Variants in ZNF519 observed in about 807,000 individuals in gnomAD.
ZNF519 encodes zinc finger protein 519.
In ZNF519, 7 loss-of-function variants were observed where a neutral mutation model predicts 7.4. The observed-to-expected ratio is 0.94, with a 90% confidence interval of 0.54 to 1.77. The LOEUF (loss-of-function observed/expected upper bound fraction) is 1.77, where lower values mean the gene tolerates loss of function less well. Among genes scored for constraint, ZNF519 ranks in the 40% most tolerant of loss-of-function variants. ZNF519 has a pLI of 0.00. For synonymous variants in ZNF519, 179 were observed against 203.3 expected (o/e 0.88, Z 1.02); for missense variants, 586 against 623.1 (o/e 0.94, Z 0.63).
chr18:14,128,310 A>AAACAAAC (rs569951991), intron 1 of ZNF519, among the ~76,000 whole-genome samples: 1 of 151,768 alleles, frequency 6.6e-6, no homozygotes, highest in African/African-American at 2.4e-5. Flanking sequence ...ACAAACAAAC[A>AAACAAAC]AACTCTCCAC....
downstream of ZNF519, chr18:14,071,952 G>A (rs1475470629): frequency 2.0e-5 from 3 of 152,214 alleles, no homozygotes; most frequent in African/African-American, 7.2e-5. Context: ...ACAAAGGCAT[G>A]GCAAAATGTT....
chr18:14,072,345 C>T (rs753536408), downstream of ZNF519: 10 of 152,100 alleles, frequency 6.6e-5, no homozygotes, highest in Non-Finnish European at 1.5e-5. Flanking sequence ...TCATAGCCAC[C>T]CTTTGTGAAA....
At chr18:14,096,997 G>A (rs2046139475), downstream of ZNF519, among the ~76,000 whole-genome samples, 1 of 152,106 alleles carries the variant, frequency 6.6e-6, no homozygotes, top group Admixed American at 6.5e-5. Flanking sequence ...CTCTTTCTCT[G>A]CTTATATACG....
chr18:14,131,796 A>G (rs1355491508), intron 1 of ZNF519, among the ~76,000 whole-genome samples: 2 of 152,144 alleles, frequency 1.3e-5, no homozygotes. Context: ...GCTTCCTCAC[A>G]CACCTTATAC....
At chr18:14,097,464 T>C (rs955818586), downstream of ZNF519, among the ~76,000 whole-genome samples, 3 of 152,202 alleles carry the variant, frequency 2.0e-5, no homozygotes, top group Non-Finnish European at 4.4e-5. Flanking sequence ...CATATCAGTA[T>C]GACCTCAAGT....
At chr18:14,091,374 G>C (rs907942842) in intron 2 of ZNF519, among the ~76,000 whole-genome samples, 1 of 152,122 alleles carries the variant, frequency 6.6e-6, no homozygotes, top group African/African-American at 2.4e-5. Context: ...AAAGTTGTAA[G>C]GGAATTTTCT....
At chr18:14,109,821 T>A (rs1363008954) in intron 2 of ZNF519, among the ~76,000 whole-genome samples, 1 of 151,942 alleles carries the variant, frequency 6.6e-6, no homozygotes, top group African/African-American at 2.4e-5. Context: ...CACAGAACTA[T>A]AAAAAACAAT....
intron 2 of ZNF519, chr18:14,085,092 A>AG (rs2046085063): frequency 6.8e-6 from 1 of 146,462 alleles, no homozygotes; most frequent in African/African-American, 2.4e-5. Flanking sequence ...GGATAAAAAA[A>AG]AGAAACAGCT....
intron 4 of ZNF519, among the ~76,000 whole-genome samples, chr18:14,077,784 ATG>A (rs1342174009): frequency 3.9e-5 from 6 of 152,106 alleles, no homozygotes; most frequent in African/African-American, 1.2e-4. Flanking sequence ...TGCTTCCTTG[ATG>A]TGTTCCCTGC....
chr18:14,106,095 A>G lies in ZNF519; in HGVS notation c.445T>C (p.Phe149Leu), dbSNP rs2046189966. Residue 149 changes from phenylalanine to leucine, a missense_variant, in exon 3 of 3, where the codon TTT (phenylalanine) becomes CTT (leucine). Physicochemically the swap from Phe to Leu is conservative, Grantham distance 22. Coordinates refer to ENST00000590202, the MANE Select transcript of ZNF519 (RefSeq NM_145287.4). ...CIPMNKYQHK[F>L]LKSVFCNKNQ... ...TTATTACAAAAGACAGATTTCAAAA[A>G]TTTATGTTGATATTTATTCATAGGA... The G allele has an allele frequency of 2.5e-6, 4 of 1,606,066 alleles. No homozygotes were observed. The highest frequency in any genetic ancestry group is 3.4e-6 in the Non-Finnish European group (4 of 1,177,954).
chr18:14,128,317 C>G (rs1315320372), intron 1 of ZNF519, among the ~76,000 whole-genome samples: 1 of 152,048 alleles, frequency 6.6e-6, no homozygotes, highest in Non-Finnish European at 1.5e-5. Context: ...AACAAACTCT[C>G]CACCATAACA....
At chr18:14,119,721 ACT>A (rs373855538) in intron 2 of ZNF519, among the ~76,000 whole-genome samples, 11 of 152,298 alleles carry the variant, frequency 7.2e-5, no homozygotes, top group African/African-American at 2.4e-4. Context: ...CTCTGAAAGC[ACT>A]GAGATTACAG....
Position 14,106,302 on chromosome 18 carries a change from A to G in ZNF519, c.238T>C (p.Cys80Arg), listed in dbSNP as rs1248688705. 1 of 1,612,552 alleles carries G rather than the reference A, an allele frequency of 6.2e-7. No individual in the cohort carries two copies. The highest frequency in any genetic ancestry group is 8.5e-7 in the Non-Finnish European group (1 of 1,179,768). ...RYGSCGLENI[C>R]LWKNWESIGE... ...ATACTTTCCCAGTTTTTCCATAAGC[A>G]TATATTTTCAAGGCCACAGCTCCCA... The change falls in exon 3 of 3, where the codon TGC becomes CGC. Residue 80 changes from cysteine (C) to arginine (R), a missense_variant. Cys to Arg is a radical substitution (Grantham distance 180, BLOSUM62 -3). Coordinates refer to ENST00000590202, the MANE Select transcript of ZNF519 (RefSeq NM_145287.4).
chr18:14,071,383 GATATAGATAA>G (rs2046027635), downstream of ZNF519: 3 of 152,054 alleles, frequency 2.0e-5, no homozygotes. Context: ...TACAGACATA[GATATAGATAA>G]ATATCAACTT....
chr18:14,119,882 A>C (rs985831050), intron 2 of ZNF519, among the ~76,000 whole-genome samples: 2 of 152,206 alleles, frequency 1.3e-5, no homozygotes, highest in Non-Finnish European at 2.9e-5. Context: ...TGATATAAAA[A>C]ATTTATACAT....
chr18:14,095,625 C>T (rs114908119), downstream of ZNF519, among the ~76,000 whole-genome samples: 1,070 of 152,350 alleles, frequency 7.0e-3, 13 homozygotes, highest in African/African-American at 0.025. Context: ...CGGGTCTCCA[C>T]ATGGCACTGC....
chr18:14,080,080 A>G (rs550561741), intron 3 of ZNF519: 12 of 152,186 alleles, frequency 7.9e-5, no homozygotes, highest in Non-Finnish European at 1.0e-4. Flanking sequence ...TTTAGCCAAC[A>G]CCTCACCAAA....
At chr18:14,122,318 T>C (rs2046273363) in intron 2 of ZNF519, 1 of 152,178 alleles carries the variant, frequency 6.6e-6, no homozygotes, top group Admixed American at 6.5e-5. Flanking sequence ...TAGAATCACA[T>C]TTGCAACCTC....
intron 2 of ZNF519, chr18:14,123,218 T>TA (rs34503801): frequency 0.18 from 25,868 of 143,772 alleles, 2,813 homozygotes; most frequent in East Asian, 0.59. Flanking sequence ...CTTGTTTTAT[T>TA]AAAAAAAAAA....
Sources: gnomAD v4.1 joint callset for allele counts (sites outside exome capture counted in the v4.1 genomes callset) on GRCh38, gnomAD v4.1.1 for gene constraint, MANE v1.5 for transcripts, NCBI Gene and HGNC (gene_info 2026-07-23, HGNC 2026-07-21) for gene names.